TEAD1: variants seen among roughly 807,000 people sequenced by gnomAD.
The protein encoded by TEAD1 is transcriptional enhancer factor TEF-1.
Under a neutral mutation model 54.9 loss-of-function variants are expected in TEAD1, and 9 were observed. The observed-to-expected ratio is 0.16, with a 90% CI of 0.10 to 0.29. TEAD1 has a LOEUF of 0.29. Among genes scored for constraint, TEAD1 ranks in the 10% least tolerant of loss-of-function variants. The pLI, the probability that TEAD1 is intolerant of heterozygous loss-of-function variation, is 1.00. For missense variants in TEAD1, 387 were observed against 535.9 expected (o/e 0.72, Z 2.74); for synonymous variants, 200 against 187.8 (o/e 1.07, Z -0.53).
intron 3 of TEAD1, among the ~76,000 whole-genome samples, chr11:12,841,671 T>C (rs917650114): frequency 1.3e-5 from 2 of 152,110 alleles, no homozygotes; most frequent in Middle Eastern, 3.2e-3. Context: ...GCTCCTTCAG[T>C]GTTTAGAGGG....
intron 3 of TEAD1, among the ~76,000 whole-genome samples, chr11:12,807,042 A>T (rs1228586628): frequency 6.6e-6 from 1 of 152,200 alleles, no homozygotes; most frequent in African/African-American, 2.4e-5. Context: ...ACTTTGTTTT[A>T]TTTTAAAAAA....
chr11:12,866,662 A>G (rs1345666231), intron 5 of TEAD1, among the ~76,000 whole-genome samples: 5 of 152,228 alleles, frequency 3.3e-5, no homozygotes, highest in African/African-American at 1.2e-4. Flanking sequence ...AAGAGACAGA[A>G]ACAGAAGCAG....
At chr11:12,728,679 T>C (rs182033728) in intron 2 of TEAD1, among the ~76,000 whole-genome samples, 2 of 152,332 alleles carry the variant, frequency 1.3e-5, no homozygotes, top group East Asian at 1.9e-4. Context: ...AAAATGTCTT[T>C]GAGGAGATGT....
chr11:12,689,640 T>G (rs1235059110), intron 2 of TEAD1, among the ~76,000 whole-genome samples: 1 of 152,178 alleles, frequency 6.6e-6, no homozygotes, highest in Non-Finnish European at 1.5e-5. Context: ...CATCTGTCTC[T>G]CTTTTTGAAG....
chr11:12,712,403 G>A (rs1229843363), intron 2 of TEAD1, among the ~76,000 whole-genome samples: 5 of 152,118 alleles, frequency 3.3e-5, no homozygotes, highest in Admixed American at 6.5e-5. Context: ...CCTGCTATCT[G>A]TGTGCTGCTG....
chr11:12,922,292 G>A lies in TEAD1; in HGVS notation c.874-2620G>A, dbSNP rs1221709633. ...GCTCACTGCAAGCTCCGCCTCCCGG[G>A]TTCACGCCATTCTCCTGCCTCAGCC... On this transcript the variant is annotated intron_variant, in intron 10 of 12. Coordinates refer to ENST00000527636, the MANE Select transcript of TEAD1 (RefSeq NM_021961.6). 3.7e-5 allele frequency among the ~76,000 whole-genome samples: 2 copies of A among 54,408 alleles called. 1 individual carries two copies. The highest frequency in any genetic ancestry group is 1.4e-4 in the African/African-American group (2 of 14,140). 35.7% of individuals were successfully genotyped at this position (54,408 alleles called of 152,430 possible).
At chr11:12,837,513 G>A (rs1946917922) in intron 3 of TEAD1, among the ~76,000 whole-genome samples, 2 of 152,190 alleles carry the variant, frequency 1.3e-5, no homozygotes, top group Non-Finnish European at 2.9e-5. Flanking sequence ...TCCCAGTTCT[G>A]CAGCCTGGAA....
intron 3 of TEAD1, among the ~76,000 whole-genome samples, chr11:12,843,894 C>T (rs10047490): frequency 0.085 from 12,976 of 152,150 alleles, 678 homozygotes; most frequent in South Asian, 0.17. Context: ...CCATTGACCA[C>T]GAAGCCTAAT....
rs561957853 is a variant in TEAD1, at chr11:12,868,393, G to A, written c.330+3493G>A. 2.6e-5 allele frequency among the ~76,000 whole-genome samples: 4 copies of A among 152,262 alleles called. No homozygotes were observed. In the East Asian group the frequency reaches 7.7e-4, roughly 29 times the overall value. On this transcript the variant is annotated intron_variant, in intron 5 of 12. Transcript: ENST00000527636. ...CTTCCAGCCTTTACAGAGAGCTCCT[G>A]TGTCCCATTTAAAGCCCATGTTTTT...
intron 9 of TEAD1, among the ~76,000 whole-genome samples, chr11:12,900,820 T>C (rs34545166): frequency 0.068 from 10,361 of 152,210 alleles, 922 homozygotes; most frequent in East Asian, 0.45. Flanking sequence ...GTGAGCAGAC[T>C]TGGACTGCTA....
chr11:12,894,751 T>A (rs953941869), intron 9 of TEAD1, among the ~76,000 whole-genome samples: 1 of 152,230 alleles, frequency 6.6e-6, no homozygotes, highest in Non-Finnish European at 1.5e-5. Flanking sequence ...TGTCCAGGTT[T>A]TTGTTATCAG....
At position 12,922,477 on chromosome 11, in the gene TEAD1, G is replaced by A. The variant is rs955867249; in HGVS notation, c.874-2435G>A. The stretch of plus-strand genomic sequence containing the variant: ...TCCCAAAGTGCGGTTCTCTTTATTT[G>A]TAGACAGAAAGTAGGAAGTTTTGCC... On this transcript the variant is annotated intron_variant, in intron 10 of 12. Coordinates refer to ENST00000527636, the MANE Select transcript of TEAD1 (RefSeq NM_021961.6). 8 of 152,024 alleles carry A rather than the reference G, an allele frequency of 5.3e-5. 1 individual carries two copies. Among genetic ancestry groups the A allele is most frequent in the African/African-American group, 1.7e-4 (7 of 41,372 alleles). The allele number at this position is 152,024 out of a possible 1,614,324, so 9.4% of individuals were successfully genotyped here. A position where few individuals can be genotyped will look rare whatever the true frequency, so the allele number is the denominator to read the frequency against.
intron 3 of TEAD1, among the ~76,000 whole-genome samples, chr11:12,779,926 A>G (rs1945509581): frequency 6.6e-6 from 1 of 152,218 alleles, no homozygotes; most frequent in South Asian, 2.1e-4. Flanking sequence ...CTCACCTGCT[A>G]AAGGGCATCT....
chr11:12,783,824 G>T (rs577596321), intron 3 of TEAD1, among the ~76,000 whole-genome samples: 191 of 152,342 alleles, frequency 1.3e-3, no homozygotes, highest in Non-Finnish European at 2.5e-3. Context: ...GGTGGATGGA[G>T]TGTGGGGTGG....
At chr11:12,769,901 T>C (rs1271182921) in intron 3 of TEAD1, among the ~76,000 whole-genome samples, 1 of 152,108 alleles carries the variant, frequency 6.6e-6, no homozygotes, top group Non-Finnish European at 1.5e-5. Flanking sequence ...GGGAGATGAA[T>C]TATGGTTCAA....
chr11:12,742,232 T>C (rs141775141), intron 2 of TEAD1, among the ~76,000 whole-genome samples: 220 of 152,382 alleles, frequency 1.4e-3, no homozygotes, highest in African/African-American at 4.9e-3. Flanking sequence ...GAATTTCACC[T>C]TGACCACTGA....
intron 2 of TEAD1, among the ~76,000 whole-genome samples, chr11:12,707,404 G>A (rs1282332383): frequency 6.6e-6 from 1 of 152,138 alleles, no homozygotes; most frequent in Non-Finnish European, 1.5e-5. Context: ...ACATATTCAC[G>A]TTTAATGGTG....
rs540903463 is a variant in TEAD1, at chr11:12,881,937, C to A, written c.554C>A (p.Ala185Glu). The change falls in exon 8 of 13, where the codon GCG (alanine) becomes GAG (glutamate). Residue 185 changes from alanine (A) to glutamate (E), a missense_variant. Physicochemically the swap from Ala to Glu is moderately radical, Grantham distance 107. This residue lies in a region of TEAD1 where 180 missense variants were observed against 180.6 expected (regional missense o/e 1.00). Coordinates refer to ENST00000527636, the MANE Select transcript of TEAD1 (RefSeq NM_021961.6). ...CAGCAGGCCTACCCCATCCAGCCAG[C>A]GGTCACAGCCCCCATTCCAGGTGAG... 1 of 1,614,056 alleles carries A rather than the reference C, an allele frequency of 6.2e-7. No homozygotes were observed. The highest frequency in any genetic ancestry group is 2.2e-5 in the East Asian group (1 of 44,884).
intron 3 of TEAD1, among the ~76,000 whole-genome samples, chr11:12,829,859 G>A (rs1946735607): frequency 6.6e-6 from 1 of 152,178 alleles, no homozygotes; most frequent in African/African-American, 2.4e-5. Flanking sequence ...GGCTGTTGAG[G>A]CCATCTTTAT....
Sources: gnomAD v4.1 joint callset for allele counts (sites outside exome capture counted in the v4.1 genomes callset) on GRCh38, gnomAD v4.1.1 for gene constraint, gnomAD v4.1.1 regional missense constraint, MANE v1.5 for transcripts, NCBI Gene and HGNC (gene_info 2026-07-23, HGNC 2026-07-21) for gene names.